SMARCC1: variants seen among roughly 807,000 people sequenced by gnomAD.
SMARCC1 encodes SWI/SNF related BAF chromatin remodeling complex subunit C1, also known as SWI/SNF complex subunit SMARCC1.
SMARCC1 carries 43 observed loss-of-function variants against 147.4 expected under a neutral mutation model. The observed-to-expected ratio is 0.29, with a 90% CI of 0.23 to 0.38. The LOEUF (loss-of-function observed/expected upper bound fraction) is 0.38, where lower values mean the gene tolerates loss of function less well. SMARCC1 is among the 10% of genes least tolerant of loss of function. The probability of loss-of-function intolerance (pLI) is 1.00; values close to 1 mark genes in which losing one functional copy is unlikely to be tolerated. For missense variants in SMARCC1, 1,119 were observed against 1,381.1 expected (o/e 0.81, Z 3.01); for synonymous variants, 495 against 484.4 (o/e 1.02, Z -0.29).
Position 47,590,621 on chromosome 3 carries a change from C to T in SMARCC1, c.3220+40G>A, listed in dbSNP as rs182217642. 160 of 1,468,416 alleles carry T rather than the reference C, an allele frequency of 1.1e-4. No individual in the cohort carries two copies. The East Asian group carries it at 2.6e-3, about 24-fold the overall frequency. 91.0% of individuals were successfully genotyped at this position (1,468,416 alleles called of 1,614,324 possible). ...TTCCCTTATCTACAGCCCTCCAGAA[C>T]GGACCCTGAGATAATGCATCCCCCC... On this transcript the variant is annotated intron_variant, in intron 27 of 27. Coordinates refer to ENST00000254480, the MANE Select transcript of SMARCC1 (RefSeq NM_003074.4).
chr3:47,666,684 C>T (rs991666797), intron 19 of SMARCC1, among the ~76,000 whole-genome samples: 1 of 151,736 alleles, frequency 6.6e-6, no homozygotes, highest in Non-Finnish European at 1.5e-5. Flanking sequence ...CTGAATGTGG[C>T]CCATACAAAT....
intron 19 of SMARCC1, among the ~76,000 whole-genome samples, chr3:47,665,493 T>C (rs1051475683): frequency 1.3e-5 from 2 of 152,184 alleles, no homozygotes; most frequent in African/African-American, 4.8e-5. Context: ...TATTTTTTCA[T>C]GTTCCTTTCG....
chr3:47,686,450 G>A (rs1048077536), intron 13 of SMARCC1, among the ~76,000 whole-genome samples: 2 of 152,144 alleles, frequency 1.3e-5, no homozygotes, highest in Non-Finnish European at 2.9e-5. Context: ...AAGAAAGTCT[G>A]TTTCAATGCA....
rs567123646 is a variant in SMARCC1, at chr3:47,774,020, T to C, written c.196-1084A>G. 6.6e-5 allele frequency among the ~76,000 whole-genome samples: 10 copies of C among 150,808 alleles called. No homozygotes were observed. The East Asian group carries it at 1.2e-3, about 18-fold the overall frequency. On this transcript the variant is annotated intron_variant, in intron 1 of 27. Transcript: ENST00000254480. ...GGACGAGAGAATTTTTATTTTTTTA[T>C]TTTTTTTTGCCGGAGCTAACTTTCG...
Position 47,764,430 on chromosome 3 carries a change from A to T in SMARCC1, c.315+8387T>A, listed in dbSNP as rs151242348. Among the ~76,000 whole-genome samples, 151 of 152,362 alleles carry T rather than the reference A, an allele frequency of 9.9e-4. 1 individual carries two copies. Among genetic ancestry groups the T allele is most frequent in the Non-Finnish European group, 1.5e-3 (99 of 68,034 alleles). ...AGAAAGATGAAAAAAGTAAAAATAT[A>T]GAAAAAATAAATAAATGAAACATCA... On this transcript the variant is annotated intron_variant, in intron 2 of 27. Transcript: ENST00000254480.
chr3:47,642,083 A>G (rs1018346561), intron 21 of SMARCC1, among the ~76,000 whole-genome samples: 4 of 152,310 alleles, frequency 2.6e-5, no homozygotes, highest in East Asian at 1.9e-4. Context: ...CCTGAAACAT[A>G]TAACTATTAA....
intron 1 of SMARCC1, among the ~76,000 whole-genome samples, chr3:47,774,113 T>C (rs2034946606): frequency 6.6e-6 from 1 of 151,960 alleles, no homozygotes; most frequent in South Asian, 2.1e-4. Flanking sequence ...TTTAGATGAG[T>C]GGTGTATGGT....
At chr3:47,663,601 G>C in intron 19 of SMARCC1, 3 of 1,478,074 alleles carry the variant, frequency 2.0e-6, no homozygotes, top group Non-Finnish European at 2.8e-6. Context: ...TTCTCCTGCT[G>C]CTGTGGCCCA....
At chr3:47,651,075 C>G (rs1006997665) in intron 21 of SMARCC1, among the ~76,000 whole-genome samples, 4 of 152,120 alleles carry the variant, frequency 2.6e-5, no homozygotes, top group Non-Finnish European at 4.4e-5. Context: ...GACGCTAAGG[C>G]AGGCAGATTG....
intron 7 of SMARCC1, among the ~76,000 whole-genome samples, chr3:47,720,121 G>GT (rs1203810835): frequency 6.6e-6 from 1 of 151,878 alleles, no homozygotes; most frequent in African/African-American, 2.4e-5. Flanking sequence ...AAGATATGAG[G>GT]TTTTGTTTTT....
intron 10 of SMARCC1, among the ~76,000 whole-genome samples, chr3:47,705,318 C>T (rs1252818738): frequency 1.1e-4 from 8 of 69,820 alleles, no homozygotes; most frequent in Non-Finnish European, 1.6e-4. Flanking sequence ...AGCGAGACTC[C>T]GTCTCAAAAA....
intron 5 of SMARCC1, among the ~76,000 whole-genome samples, chr3:47,730,791 C>T (rs1039538276): frequency 2.6e-5 from 4 of 151,128 alleles, no homozygotes; most frequent in South Asian, 2.1e-4. Flanking sequence ...CCTTGAACCC[C>T]GGAGGCAGAG....
rs879316913 is a variant in SMARCC1, at chr3:47,630,084, C to T, written c.2646+5106G>A. 9.4e-5 allele frequency among the ~76,000 whole-genome samples: 14 copies of T among 149,170 alleles called. No individual in the cohort carries two copies. The East Asian group carries it at 2.0e-3, about 21-fold the overall frequency. ...CTGGGATGGTGCCACAGAAGATATA[C>T]GGCAGCAGTCCCCAGCCTTTTTGGC... On this transcript the variant is annotated intron_variant, in intron 24 of 27. Transcript: ENST00000254480.
chr3:47,736,106 G>C lies in SMARCC1; in HGVS notation c.504C>G (p.Pro168=). 1.3e-6 allele frequency: 2 copies of C among 1,591,120 alleles called. No homozygotes were observed. The highest frequency in any genetic ancestry group is 1.7e-6 in the Non-Finnish European group (2 of 1,167,818). ...CAATGTCTGGAATGAGGTAGATGTTGGGTCTGGTCAAACAATTGTTCTGAG... is the reference window on the plus strand; with the variant it reads ...CAATGTCTGGAATGAGGTAGATGTTCGGTCTGGTCAAACAATTGTTCTGAG... ...TLVQNNCLTR[P]NIYLIPDIDL... Residue 168 remains proline (P), a synonymous_variant, in exon 5 of 28, where the codon CCC becomes CCG. Coordinates refer to ENST00000254480, the MANE Select transcript of SMARCC1 (RefSeq NM_003074.4).
chr3:47,745,165 G>C (rs976681666), intron 3 of SMARCC1, among the ~76,000 whole-genome samples: 1 of 152,148 alleles, frequency 6.6e-6, no homozygotes, highest in Non-Finnish European at 1.5e-5. Flanking sequence ...AGTTACTCAG[G>C]AGGCTGAGGC....
chr3:47,725,045 A>AAAG (rs1417271391), intron 6 of SMARCC1, among the ~76,000 whole-genome samples: 8 of 147,236 alleles, frequency 5.4e-5, no homozygotes, highest in Admixed American at 4.1e-4. Context: ...AAAAAAAAAA[A>AAAG]AAAAAAAAAA....
At chr3:47,695,000 C>T (rs151156512) in intron 11 of SMARCC1, among the ~76,000 whole-genome samples, 4 of 152,270 alleles carry the variant, frequency 2.6e-5, no homozygotes, top group African/African-American at 9.6e-5. Context: ...ATTTTAACCT[C>T]AATTATGTAA....
chr3:47,715,341 G>A (rs2034143269), intron 7 of SMARCC1, among the ~76,000 whole-genome samples: 3 of 152,074 alleles, frequency 2.0e-5, no homozygotes, highest in African/African-American at 7.2e-5. Context: ...TGGCCCCAGC[G>A]ATGTACTCTA....
chr3:47,764,227 G>A (rs2034809016), intron 2 of SMARCC1, among the ~76,000 whole-genome samples: 1 of 151,850 alleles, frequency 6.6e-6, no homozygotes, highest in Admixed American at 6.6e-5. Context: ...TGATAAATAG[G>A]GTCTCAATAT....
Sources: gnomAD v4.1 joint callset for allele counts (sites outside exome capture counted in the v4.1 genomes callset) on GRCh38, gnomAD v4.1.1 for gene constraint, MANE v1.5 for transcripts, NCBI Gene and HGNC (gene_info 2026-07-23, HGNC 2026-07-21) for gene names.